Variants in CLSTN2 observed in about 807,000 individuals in gnomAD.
The protein encoded by CLSTN2 is calsyntenin-2.
A neutral mutation model predicts 101.2 loss-of-function variants in CLSTN2; 48 were observed. That is an observed-to-expected ratio of 0.47 (90% CI 0.38 to 0.60). The LOEUF (loss-of-function observed/expected upper bound fraction) is 0.60. CLSTN2 is among the 20% of genes least tolerant of loss of function. CLSTN2 has a pLI of 0.00. For missense variants in CLSTN2, 1,160 were observed against 1,238.2 expected, an observed-to-expected ratio of 0.94 and a Z score of 0.95; for synonymous variants, 481 against 463.6, an observed-to-expected ratio of 1.04 and a Z score of -0.48.
At chr3:140,144,115 T>C (rs1406543804) in intron 1 of CLSTN2, among the ~76,000 whole-genome samples, 1 of 152,154 alleles carries the variant, frequency 6.6e-6, no homozygotes, top group East Asian at 1.9e-4. Context: ...CTCAGTCAAG[T>C]TGAAGATTAG....
intron 1 of CLSTN2, among the ~76,000 whole-genome samples, chr3:140,005,222 C>G (rs1248848547): frequency 6.6e-6 from 1 of 152,218 alleles, no homozygotes; most frequent in Non-Finnish European, 1.5e-5. Context: ...CACTAGTATT[C>G]TCTAACACTC....
Position 140,148,892 on chromosome 3 carries a change from G to A in CLSTN2, c.110-27059G>A, listed in dbSNP as rs146863992. Among the ~76,000 whole-genome samples the A allele has an allele frequency of 2.0e-5, 3 of 152,310 alleles. No homozygotes were observed. In the East Asian group the frequency reaches 5.8e-4, roughly 29 times the overall value. ...TGGCACTGGGACTCCAGACTTCTTG[G>A]TGGCTTACAAACAGGCCATGAATGC... On this transcript the variant is annotated intron_variant, in intron 1 of 16. Coordinates refer to ENST00000458420, the MANE Select transcript of CLSTN2 (RefSeq NM_022131.3).
chr3:140,257,300 G>A (rs941571434), intron 2 of CLSTN2, among the ~76,000 whole-genome samples: 2 of 152,108 alleles, frequency 1.3e-5, no homozygotes, highest in Admixed American at 6.6e-5. Context: ...GTATTTAGGT[G>A]AAAAGTGGAA....
At chr3:140,509,128 G>T (rs1162619518) in intron 8 of CLSTN2, among the ~76,000 whole-genome samples, 1 of 152,156 alleles carries the variant, frequency 6.6e-6, no homozygotes, top group African/African-American at 2.4e-5. Context: ...GAAGTACCTG[G>T]AACATATGTG....
intron 2 of CLSTN2, among the ~76,000 whole-genome samples, chr3:140,342,950 C>G (rs116618360): frequency 6.1e-4 from 93 of 152,264 alleles, no homozygotes; most frequent in African/African-American, 2.0e-3. Flanking sequence ...AACTATGTTG[C>G]CTTTTATGGC....
chr3:140,515,154 A>T (rs1298054820), intron 8 of CLSTN2, among the ~76,000 whole-genome samples: 1 of 152,082 alleles, frequency 6.6e-6, no homozygotes, highest in East Asian at 1.9e-4. Flanking sequence ...TTCCTAGTTT[A>T]TGCACATAAA....
intron 2 of CLSTN2, among the ~76,000 whole-genome samples, chr3:140,240,786 T>G (rs1235264857): frequency 6.6e-6 from 1 of 152,114 alleles, no homozygotes; most frequent in African/African-American, 2.4e-5. Flanking sequence ...TGAAGACTGA[T>G]CATTGGGTAA....
chr3:140,453,157 G>A (rs922103885), intron 6 of CLSTN2: 2 of 152,162 alleles, frequency 1.3e-5, no homozygotes, highest in African/African-American at 4.8e-5. Context: ...TTGGTGGTGC[G>A]AGGCCAGGAA....
intron 2 of CLSTN2, among the ~76,000 whole-genome samples, chr3:140,363,041 G>T (rs1416409600): frequency 6.6e-6 from 1 of 151,926 alleles, no homozygotes; most frequent in African/African-American, 2.4e-5. Context: ...AATATTAATG[G>T]AAGTATTATT....
Position 140,566,986 on chromosome 3 carries a change from A to C in CLSTN2, c.*733A>C, listed in dbSNP as rs938679242. 6.6e-6 allele frequency: 1 copy of C among 152,566 alleles called. No individual in the cohort carries two copies. The allele number at this position is 152,566 out of a possible 1,614,324, so 9.5% of individuals were successfully genotyped here. On this transcript the variant is annotated 3_prime_UTR_variant, in exon 17 of 17. Coordinates refer to ENST00000458420, the MANE Select transcript of CLSTN2 (RefSeq NM_022131.3). ...GCCTGCCTGTCTGGGCACCTGCTGC[A>C]ACCATGCAGCTACCCTGCCAGGGGC...
At chr3:140,296,488 T>A (rs1244638391) in intron 2 of CLSTN2, among the ~76,000 whole-genome samples, 2 of 152,240 alleles carry the variant, frequency 1.3e-5, no homozygotes, top group Non-Finnish European at 2.9e-5. Flanking sequence ...TGATTACTAG[T>A]AAGGCAGAGC....
At chr3:140,415,436 T>G (rs1483131144) in intron 4 of CLSTN2, among the ~76,000 whole-genome samples, 2 of 122,766 alleles carry the variant, frequency 1.6e-5, no homozygotes, top group African/African-American at 3.2e-5. Context: ...AGACCATATA[T>G]GCAATAAAGT....
At chr3:140,493,515 A>G (rs974717756) in intron 8 of CLSTN2, among the ~76,000 whole-genome samples, 3 of 152,220 alleles carry the variant, frequency 2.0e-5, no homozygotes, top group African/African-American at 7.2e-5. Flanking sequence ...ATTTGTGAGT[A>G]GCACCTACTG....
Position 140,421,362 on chromosome 3 carries a change from T to G in CLSTN2, c.787+88T>G, listed in dbSNP as rs570372971. On this transcript the variant is annotated intron_variant, in intron 5 of 16. Transcript: ENST00000458420. ...CTTGTCCTCAAATCATCACAACACATAACTTTTTAAAGTACAGTCACTTTG... is the reference window on the plus strand; with the variant it reads ...CTTGTCCTCAAATCATCACAACACAGAACTTTTTAAAGTACAGTCACTTTG... 61 of 1,465,074 alleles carry G rather than the reference T, an allele frequency of 4.2e-5. No homozygotes were observed. In the South Asian group the frequency reaches 7.1e-4, roughly 17 times the overall value. 90.8% of individuals were successfully genotyped at this position (1,465,074 alleles called of 1,614,324 possible).
chr3:140,027,592 T>C (rs973096598), intron 1 of CLSTN2, among the ~76,000 whole-genome samples: 3 of 152,150 alleles, frequency 2.0e-5, no homozygotes, highest in African/African-American at 7.2e-5. Context: ...AAAACTAATA[T>C]AGACTCCATG....
At chr3:140,506,106 CA>C (rs1271114726) in intron 8 of CLSTN2, 1 of 152,206 alleles carries the variant, frequency 6.6e-6, no homozygotes, top group East Asian at 1.9e-4. Context: ...CAGCTGCCCA[CA>C]AATGCCGGAA....
At chr3:140,097,246 T>C (rs187967396) in intron 1 of CLSTN2, among the ~76,000 whole-genome samples, 154 of 152,326 alleles carry the variant, frequency 1.0e-3, no homozygotes, top group Non-Finnish European at 1.8e-3. Context: ...GGGTGACTTA[T>C]GGAAGATCAC....
In CLSTN2 at chr3:140,472,865, C is replaced by T. The variant is rs574600736; in HGVS notation, c.1344+6134C>T. Among the ~76,000 whole-genome samples the T allele has an allele frequency of 4.6e-5, 7 of 152,278 alleles. No individual in the cohort carries two copies. The South Asian group carries it at 1.5e-3, about 32-fold the overall frequency. The stretch of plus-strand genomic sequence containing the variant: ...TGGATATGCAAAGTGAACCTAGTCT[C>T]TCTTTATTTCCCCATGATATATATG... On this transcript the variant is annotated intron_variant, in intron 8 of 16. Coordinates refer to ENST00000458420, the MANE Select transcript of CLSTN2 (RefSeq NM_022131.3).
At chr3:140,056,380 C>T (rs1289504966) in intron 1 of CLSTN2, among the ~76,000 whole-genome samples, 2 of 152,314 alleles carry the variant, frequency 1.3e-5, no homozygotes, top group East Asian at 3.9e-4. Flanking sequence ...GGTGACCTCC[C>T]CTCTGTACCC....
Sources: allele counts gnomAD v4.1 joint callset (sites outside exome capture counted in the v4.1 genomes callset), GRCh38; gene constraint gnomAD v4.1.1; transcripts MANE v1.5; gene names NCBI Gene and HGNC (gene_info 2026-07-23, HGNC 2026-07-21).